The following FBXW7 variants were observed in gnomAD, a reference collection of about 807,000 sequenced individuals.
FBXW7 encodes the protein F-box and WD repeat domain containing 7.
A neutral mutation model predicts 86.3 loss-of-function variants in FBXW7; 11 were observed. The observed-to-expected ratio is 0.13, with a 90% CI of 0.08 to 0.21. The LOEUF is 0.21. FBXW7 is among the 10% of genes least tolerant of loss of function. The probability of loss-of-function intolerance (pLI) is 1.00; values close to 1 mark genes in which losing one functional copy is unlikely to be tolerated. For synonymous variants in FBXW7, 313 were observed against 297.9 expected, an observed-to-expected ratio of 1.05 and a Z score of -0.52; for missense variants, 488 against 847.4, an observed-to-expected ratio of 0.58 and a Z score of 5.27.
At chr4:152,504,001 T>C (rs939294593) in intron 2 of FBXW7, among the ~76,000 whole-genome samples, 1 of 152,218 alleles carries the variant, frequency 6.6e-6, no homozygotes. Context: ...TCACTGGGTA[T>C]AGTGGAATAA....
intron 4 of FBXW7, among the ~76,000 whole-genome samples, chr4:152,355,904 A>C (rs1439748378): frequency 6.6e-6 from 1 of 152,114 alleles, no homozygotes; most frequent in East Asian, 1.9e-4. Flanking sequence ...CTGAACAAAT[A>C]ATTGGGACGA....
At chr4:152,497,851 C>T (rs1217188113) in intron 2 of FBXW7, among the ~76,000 whole-genome samples, 2 of 152,128 alleles carry the variant, frequency 1.3e-5, no homozygotes, top group Non-Finnish European at 2.9e-5. Flanking sequence ...ACTGCATTAT[C>T]TCTATAAAAC....
intron 2 of FBXW7, among the ~76,000 whole-genome samples, chr4:152,521,809 ATTTTTTTTTTT>A (rs575881137): frequency 9.9e-6 from 1 of 100,742 alleles, no homozygotes; most frequent in East Asian, 3.1e-4. Context: ...TAAGGGTCCA[ATTTTTTTTTTT>A]TTTTTTTTTT....
intron 5 of FBXW7, chr4:152,348,565 T>A (rs1190392110): frequency 5.1e-6 from 1 of 194,490 alleles, no homozygotes; most frequent in East Asian, 1.7e-4. Context: ...GCTTTGTCAA[T>A]ATAAAAAGTG....
rs1728994771 is a variant in FBXW7 at position 152,326,183 on chromosome 4, C to T, written c.1467G>A (p.Glu489=). The T allele has an allele frequency of 6.2e-7, 1 of 1,613,118 alleles. No individual in the cohort carries two copies. Among genetic ancestry groups the T allele is most frequent in the African/African-American group, 1.3e-5 (1 of 74,822 alleles). Residue 489 remains glutamate (E), a synonymous_variant, in exon 12 of 14, where the codon GAG becomes GAA. Coordinates refer to ENST00000281708, the MANE Select transcript of FBXW7 (RefSeq NM_001349798.2). ...TCAAAACATGTAAACACTGGCCTGT[C>T]TCAATATCCCAAACCCTAAGAGTGG... The part of the protein sequence containing the change: ...RDATLRVWDI[E]TGQCLHVLMG...
At chr4:152,333,525 C>T (rs1405469098) in intron 7 of FBXW7, among the ~76,000 whole-genome samples, 3 of 151,542 alleles carry the variant, frequency 2.0e-5, no homozygotes, top group Non-Finnish European at 4.4e-5. Context: ...ACTGATTATT[C>T]AAGTAGCCTC....
At chr4:152,420,053 C>T (rs1172025074) in intron 2 of FBXW7, among the ~76,000 whole-genome samples, 1 of 152,154 alleles carries the variant, frequency 6.6e-6, no homozygotes, top group Non-Finnish European at 1.5e-5. Flanking sequence ...AGCATTTTAC[C>T]TAACTGTAGA....
intron 4 of FBXW7, among the ~76,000 whole-genome samples, chr4:152,383,073 C>T (rs965933419): frequency 3.9e-5 from 6 of 151,968 alleles, no homozygotes; most frequent in African/African-American, 1.4e-4. Context: ...AATCTTTGTA[C>T]CAGAGTTTTC....
chr4:152,333,601 AG>A (rs1420837096), intron 7 of FBXW7, among the ~76,000 whole-genome samples: 2 of 152,214 alleles, frequency 1.3e-5, no homozygotes, highest in African/African-American at 4.8e-5. Context: ...AATTAAGTTC[AG>A]TTTTCATATG....
intron 2 of FBXW7, among the ~76,000 whole-genome samples, chr4:152,472,274 T>A (rs543993150): frequency 3.0e-4 from 46 of 152,264 alleles, no homozygotes; most frequent in African/African-American, 1.1e-3. Context: ...ACCCAAAGAC[T>A]AAGTGATACT....
intron 9 of FBXW7, among the ~76,000 whole-genome samples, chr4:152,330,423 A>C (rs897420271): frequency 6.6e-6 from 1 of 151,938 alleles, no homozygotes; most frequent in African/African-American, 2.4e-5. Context: ...TGATCAGAGG[A>C]GGCAGCAAAT....
At chr4:152,448,523 C>T (rs183789582) in intron 2 of FBXW7, among the ~76,000 whole-genome samples, 13 of 152,202 alleles carry the variant, frequency 8.5e-5, no homozygotes, top group Non-Finnish European at 1.5e-4. Flanking sequence ...GAGAACAAAT[C>T]GGAGCAGCAG....
chr4:152,476,590 A>T (rs2149661959), intron 2 of FBXW7, among the ~76,000 whole-genome samples: 1 of 152,284 alleles, frequency 6.6e-6, no homozygotes, highest in South Asian at 2.1e-4. Flanking sequence ...TCAAGAAAGA[A>T]CTCTCAAACT....
intron 2 of FBXW7, among the ~76,000 whole-genome samples, chr4:152,428,114 T>C (rs1739545491): frequency 6.6e-6 from 1 of 152,186 alleles, no homozygotes; most frequent in Non-Finnish European, 1.5e-5. Flanking sequence ...TTGTAGGAAG[T>C]ACCCAAAATG....
chr4:152,341,728 A>G (rs1191617301), intron 6 of FBXW7, among the ~76,000 whole-genome samples: 1 of 152,192 alleles, frequency 6.6e-6, no homozygotes, highest in Non-Finnish European at 1.5e-5. Flanking sequence ...GTGGTTTCAA[A>G]TTTTGTATAT....
At chr4:152,387,156 A>G (rs919846143) in intron 4 of FBXW7, among the ~76,000 whole-genome samples, 1 of 152,226 alleles carries the variant, frequency 6.6e-6, no homozygotes, top group African/African-American at 2.4e-5. Flanking sequence ...AAGAGTTTTC[A>G]AAGTCTTACC....
chr4:152,333,770 T>C (rs1048441963), intron 7 of FBXW7, among the ~76,000 whole-genome samples: 1 of 152,114 alleles, frequency 6.6e-6, no homozygotes, highest in African/African-American at 2.4e-5. Context: ...GAATTCATCA[T>C]GGGCTGGGTG....
At position 152,536,031 on chromosome 4, in the gene FBXW7, G is replaced by A. The variant is rs940164953; in HGVS notation, c.-1117C>T. ...CGGCGGCGGCAGCGGCAGCGGCAGC[G>A]CCCGGAGCTCAGCTCGCTGTCTCCC... On this transcript the variant is annotated 5_prime_UTR_variant, in exon 1 of 14. Transcript: ENST00000281708. 1 of 217,304 alleles carries A rather than the reference G, an allele frequency of 4.6e-6. No homozygotes were observed. The highest frequency in any genetic ancestry group is 7.7e-5 in the South Asian group (1 of 13,034). The allele number at this position is 217,304 out of a possible 1,614,324, so 13.5% of individuals were successfully genotyped here. A position where few individuals can be genotyped will look rare whatever the true frequency, so the allele number is the denominator to read the frequency against.
intron 2 of FBXW7, among the ~76,000 whole-genome samples, chr4:152,464,710 T>G (rs1051377660): frequency 3.3e-5 from 5 of 152,144 alleles, no homozygotes; most frequent in Non-Finnish European, 7.4e-5. Context: ...GACTAGAAAT[T>G]GTGTGAAGAC....
Sources: allele counts gnomAD v4.1 joint callset (sites outside exome capture counted in the v4.1 genomes callset), GRCh38; gene constraint gnomAD v4.1.1; transcripts MANE v1.5; gene names NCBI Gene and HGNC (gene_info 2026-07-23, HGNC 2026-07-21).